The following TTC34 variants were observed in gnomAD, a reference collection of about 807,000 sequenced individuals.
The protein encoded by TTC34 is tetratricopeptide repeat protein 34.
Under a neutral mutation model 40.7 loss-of-function variants are expected in TTC34, and 44 were observed. That is an observed-to-expected ratio of 1.08 (90% CI 0.85 to 1.39). The LOEUF is 1.39. TTC34 is among the 40% of genes most tolerant of loss of function. The pLI, the probability that TTC34 is intolerant of heterozygous loss-of-function variation, is 0.00. For synonymous variants in TTC34, 422 were observed against 398.6 expected (o/e 1.06, Z -0.70); for missense variants, 884 against 838.0 (o/e 1.05, Z -0.68).
At chr1:2,699,297 GCGAGCA>G in intron 6 of TTC34, among the ~76,000 whole-genome samples, 2 of 150,532 alleles carry the variant, frequency 1.3e-5, no homozygotes, top group Admixed American at 6.6e-5. Flanking sequence ...ACACCCCCAG[GCGAGCA>G]TCTGACCGCA....
chr1:2,799,846 G>A (rs1002858261), intron 2 of TTC34, among the ~76,000 whole-genome samples, 198 bp downstream of exon 2: 19 of 152,144 alleles, frequency 1.2e-4, no homozygotes, highest in African/African-American at 4.3e-4. Flanking sequence ...GCAGTACCTT[G>A]CCCATCCCAT....
chr1:2,794,918 T>G (rs986613181), intron 2 of TTC34, among the ~76,000 whole-genome samples: 3 of 152,212 alleles, frequency 2.0e-5, no homozygotes, highest in Non-Finnish European at 4.4e-5. Context: ...AATTTTAAGT[T>G]CTATATTATA....
At chr1:2,657,413 A>G (rs1292506215) in intron 6 of TTC34, among the ~76,000 whole-genome samples, 1 of 89,920 alleles carries the variant, frequency 1.1e-5, no homozygotes, top group African/African-American at 3.5e-5. Flanking sequence ...CCGGAGCAGT[A>G]CCAGTACCCC....
At chr1:2,674,857 T>A (rs372063358) in intron 6 of TTC34, among the ~76,000 whole-genome samples, 1 of 66,042 alleles carries the variant, frequency 1.5e-5, no homozygotes, top group South Asian at 4.9e-4. Context: ...GTGAGCATCG[T>A]AGAGTCTGGA....
chr1:2,791,260 G>A (rs1643660511), intron 2 of TTC34, among the ~76,000 whole-genome samples: 1 of 152,172 alleles, frequency 6.6e-6, no homozygotes, highest in South Asian at 2.1e-4. Context: ...GAGAGGCGGG[G>A]ATACTCCGTG....
chr1:2,787,823 G>A (rs1035140748), intron 3 of TTC34, 117 bp from the exon 4 acceptor site: 31 of 835,648 alleles, frequency 3.7e-5, no homozygotes, highest in Non-Finnish European at 4.1e-5. Flanking sequence ...AGCTCCCTCC[G>A]GAGGGACCCT....
At chr1:2,641,392 T>A in exon 9 of TTC34, 2 of 1,523,442 alleles carry the variant, frequency 1.3e-6, no homozygotes, top group Non-Finnish European at 1.8e-6. Context: ...AGCCTGAGGA[T>A]GCCTCCCTCC....
chr1:2,798,069 C>A (rs1643727914), intron 2 of TTC34, among the ~76,000 whole-genome samples: 1 of 150,608 alleles, frequency 6.6e-6, no homozygotes, highest in African/African-American at 2.4e-5. Flanking sequence ...AGCCTCTCAG[C>A]CTCTTAGCCC....
intron 2 of TTC34, among the ~76,000 whole-genome samples, chr1:2,797,341 A>C (rs957585711): frequency 3.3e-5 from 5 of 152,282 alleles, no homozygotes; most frequent in African/African-American, 9.6e-5. Flanking sequence ...AGGGAGCCGC[A>C]GTGCCTTGCA....
At chr1:2,695,276 A>C (rs1243644964) in intron 6 of TTC34, among the ~76,000 whole-genome samples, 126 of 55,858 alleles carry the variant, frequency 2.3e-3, no homozygotes, top group South Asian at 5.2e-3. Context: ...GCACCCACAC[A>C]CCCAGGCGAG....
At chr1:2,688,091 C>T (rs1000148761) in intron 6 of TTC34, among the ~76,000 whole-genome samples, 1 of 151,914 alleles carries the variant, frequency 6.6e-6, no homozygotes, top group African/African-American at 2.4e-5. Flanking sequence ...CCTGCACCCC[C>T]AGGTGCGCAC....
chr1:2,777,949 A>T (rs6424062), intron 6 of TTC34, among the ~76,000 whole-genome samples: 1 of 152,044 alleles, frequency 6.6e-6, no homozygotes, highest in South Asian at 2.1e-4. Context: ...TTAAATGGGC[A>T]TGTCCCTGGC....
intron 2 of TTC34, among the ~76,000 whole-genome samples, chr1:2,794,819 A>G (rs184928570): frequency 5.3e-5 from 8 of 152,314 alleles, no homozygotes; most frequent in Admixed American, 3.9e-4. Context: ...AATATTATAA[A>G]ACAGTTTTTC....
chr1:2,691,282 G>A (rs549827708), intron 6 of TTC34, among the ~76,000 whole-genome samples: 1 of 86,404 alleles, frequency 1.2e-5, no homozygotes, highest in African/African-American at 4.1e-5. Context: ...GAATCCGACA[G>A]CCTGGAGCAG....
At chr1:2,753,348 A>C (rs1641390743) in intron 6 of TTC34, among the ~76,000 whole-genome samples, 2 of 128,390 alleles carry the variant, frequency 1.6e-5, no homozygotes, top group South Asian at 2.7e-4. Flanking sequence ...CCAGACGAGC[A>C]TCTGACAGCC....
At chr1:2,752,508 G>A (rs1641356379) in intron 6 of TTC34, among the ~76,000 whole-genome samples, 1 of 142,580 alleles carries the variant, frequency 7.0e-6, no homozygotes, top group Admixed American at 7.1e-5. Flanking sequence ...GTGAGCATCT[G>A]ACAGCCTGGA....
At chr1:2,695,688 A>G (rs1640829886) in intron 6 of TTC34, among the ~76,000 whole-genome samples, 1 of 151,868 alleles carries the variant, frequency 6.6e-6, no homozygotes, top group South Asian at 2.1e-4. Context: ...CCAGGTGAGC[A>G]TCTGACAGCC....
At chr1:2,688,340 G>A (rs1180805282) in intron 6 of TTC34, among the ~76,000 whole-genome samples, 1 of 140,124 alleles carries the variant, frequency 7.1e-6, no homozygotes, top group African/African-American at 2.8e-5. Context: ...CCCCAGGTGA[G>A]CATCGGACAG....
At chr1:2,648,278 G>C (rs776970374) in intron 6 of TTC34, among the ~76,000 whole-genome samples, 1 of 152,146 alleles carries the variant, frequency 6.6e-6, no homozygotes. Flanking sequence ...TGTCCTGCAA[G>C]GGGGCTGATT....
Sources: gnomAD v4.1 joint callset for allele counts (sites outside exome capture counted in the v4.1 genomes callset) on GRCh38, gnomAD v4.1.1 for gene constraint, MANE v1.5 for transcripts, NCBI Gene and HGNC (gene_info 2026-07-23, HGNC 2026-07-21) for gene names.